The following PKD2L1 variants were observed in gnomAD, a reference collection of about 807,000 sequenced individuals.
PKD2L1 encodes polycystin 2 like 1, transient receptor potential cation channel.
PKD2L1 carries 77 observed loss-of-function variants against 93.0 expected under a neutral mutation model. The ratio of observed to expected loss-of-function variants is 0.83; its 90% CI spans 0.69 to 1.00. PKD2L1 has a LOEUF of 1.00. PKD2L1 is among the 50% of genes least tolerant of loss of function. The pLI is 0.00. For synonymous variants in PKD2L1, 390 were observed against 388.0 expected (o/e 1.01, Z -0.06); for missense variants, 977 against 990.9 (o/e 0.99, Z 0.19).
At chr10:100,293,455 G>A in intron 9 of PKD2L1, 76 bp from the exon 10 acceptor site, 2 of 930,824 alleles carry the variant, frequency 2.1e-6, no homozygotes, top group South Asian at 2.6e-5. Flanking sequence ...CCCCATTAAT[G>A]TCCAAGACAC....
chr10:100,325,903 G>A (rs571963227), intron 2 of PKD2L1, among the ~76,000 whole-genome samples: 1 of 152,262 alleles, frequency 6.6e-6, no homozygotes, highest in East Asian at 1.9e-4. Context: ...AAGGATAAGA[G>A]AGGTTAGCAA....
rs1294864036 is a variant in PKD2L1 at position 100,330,113 on chromosome 10, G to A, written c.-10C>T. On this transcript the variant is annotated 5_prime_UTR_variant, in exon 1 of 16. Coordinates refer to ENST00000318222, the MANE Select transcript of PKD2L1 (RefSeq NM_016112.3). ...TTCCCACAGCATTCATGGGGAATGA[G>A]GTGGGGGGGCCCGGTACCCCAGGTG... 69 of 1,525,566 alleles carry A rather than the reference G, an allele frequency of 4.5e-5. No homozygotes were observed. The highest frequency in any genetic ancestry group is 6.0e-5 in the Non-Finnish European group (67 of 1,122,210). 94.5% of individuals were successfully genotyped at this position (1,525,566 alleles called of 1,614,324 possible).
At chr10:100,295,713 C>T (rs1013236888) in intron 7 of PKD2L1, among the ~76,000 whole-genome samples, 2 of 111,198 alleles carry the variant, frequency 1.8e-5, no homozygotes, top group Admixed American at 1.3e-4. Context: ...AGCCAGACAA[C>T]AGAGTGAGAC....
In PKD2L1 at chr10:100,292,226, G is replaced by A. The variant is rs150987213; in HGVS notation, c.1880+722C>T. ...CAAAGACTTTGTCCCATTTAATTAC[G>A]TTGTCTCCTAATCCCAGCACTTTGG... On this transcript the variant is annotated intron_variant, in intron 11 of 15. Coordinates refer to ENST00000318222, the MANE Select transcript of PKD2L1 (RefSeq NM_016112.3). Among the ~76,000 whole-genome samples, 462 of 152,034 alleles carry A rather than the reference G, an allele frequency of 3.0e-3. 1 individual carries two copies. The highest frequency in any genetic ancestry group is 1.0e-2 in the African/African-American group (414 of 41,466).
At position 100,299,659 on chromosome 10, in the gene PKD2L1, A is replaced by C. The variant is rs757723767; in HGVS notation, c.409T>G (p.Phe137Val). The stretch of plus-strand genomic sequence containing the variant: ...CCAGTGTCTGATGGAGTATGTAAGA[A>C]GAGCTCAGACATCACTTTGGTGTAG... ...YYYTKVMSEL[F>V]LHTPSDTGVS... Residue 137 changes from phenylalanine (F) to valine (V), a missense_variant, in exon 3 of 16, where the codon TTC (phenylalanine) becomes GTC (valine). Phe to Val is a conservative substitution (Grantham distance 50, BLOSUM62 -1). Transcript: ENST00000318222. 6 of 1,612,672 alleles carry C rather than the reference A, an allele frequency of 3.7e-6. No individual in the cohort carries two copies.
chr10:100,325,961 G>A (rs575435611), intron 2 of PKD2L1, among the ~76,000 whole-genome samples: 4 of 152,300 alleles, frequency 2.6e-5, no homozygotes, highest in Non-Finnish European at 5.9e-5. Context: ...GCCAGACCTT[G>A]AACCCACATA....
In PKD2L1 at chr10:100,298,625, C is replaced by T. The variant is rs1397337698; in HGVS notation, c.668G>A (p.Cys223Tyr). ...HEDFREDILSCYDVYSPDKEE... is the reference protein window; with the variant it reads ...HEDFREDILSYYDVYSPDKEE... ...TTTGTCTGGAGAGTAGACATCATAG[C>T]AGCTCAGAATGTCCTCCCGGAAGTC... Residue 223 changes from cysteine to tyrosine, a missense_variant, in exon 4 of 16, where the codon TGC becomes TAC. Transcript: ENST00000318222. 7.4e-6 allele frequency: 12 copies of T among 1,613,980 alleles called. No homozygotes were observed. The highest frequency in any genetic ancestry group is 1.0e-5 in the Non-Finnish European group (12 of 1,179,978).
intron 2 of PKD2L1, among the ~76,000 whole-genome samples, chr10:100,321,723 GAAA>G (rs1458334792): frequency 1.3e-4 from 1 of 7,754 alleles, no homozygotes; most frequent in Non-Finnish European, 2.8e-4. Context: ...AAGAAAGAAA[GAAA>G]GAAAGAAAGA....
At chr10:100,288,673 T>C (rs1208017893) in intron 15 of PKD2L1, among the ~76,000 whole-genome samples, 195 bp from the exon 16 acceptor site, 1 of 150,468 alleles carries the variant, frequency 6.6e-6, no homozygotes, top group Non-Finnish European at 1.5e-5. Context: ...ATCCTGTTTG[T>C]TAACTTTTTT....
intron 2 of PKD2L1, among the ~76,000 whole-genome samples, chr10:100,315,993 C>T (rs12268799): frequency 0.065 from 9,874 of 152,218 alleles, 895 homozygotes; most frequent in African/African-American, 0.2. Flanking sequence ...TCCCCAGACA[C>T]GAATGGTACC....
At chr10:100,301,402 C>T (rs572064519) in intron 2 of PKD2L1, among the ~76,000 whole-genome samples, 166 of 152,036 alleles carry the variant, frequency 1.1e-3, no homozygotes, top group African/African-American at 3.9e-3. Context: ...CGTGTTTCAT[C>T]TGTTATCTGC....
chr10:100,292,845 G>T (rs1446754438), intron 11 of PKD2L1, 103 bp downstream of exon 11: 19 of 1,185,126 alleles, frequency 1.6e-5, no homozygotes, highest in South Asian at 3.5e-5. Context: ...AAGATCAGAG[G>T]CCCCTAAACT....
intron 9 of PKD2L1, among the ~76,000 whole-genome samples, chr10:100,293,924 T>G (rs1440193274): frequency 6.6e-6 from 1 of 152,094 alleles, no homozygotes; most frequent in Non-Finnish European, 1.5e-5. Flanking sequence ...CTGGGCAACA[T>G]AGCAAAACAC....
In PKD2L1 at chr10:100,295,037, G is replaced by A. The variant is rs570541159; in HGVS notation, c.1443C>T (p.Ala481=). 1.7e-5 allele frequency: 28 copies of A among 1,613,962 alleles called. No homozygotes were observed. The highest frequency in any genetic ancestry group is 2.2e-5 in the East Asian group (1 of 44,898). The change falls in exon 8 of 16, where the codon GCC becomes GCT. Residue 481 remains alanine (A), a synonymous_variant. Transcript: ENST00000318222. ...CGAAGAAAACAATGAAGAACATGAC[G>A]GCGAAGCCCAGGATGTCCTTGGCAC... ...ARCAKDILGF[A]VMFFIVFFAY... is the part of the protein sequence containing the mutation.
chr10:100,299,811 A>T, intron 2 of PKD2L1, 93 bp from the exon 3 acceptor site: 4 of 1,118,686 alleles, frequency 3.6e-6, no homozygotes, highest in South Asian at 1.3e-5. Flanking sequence ...TGCTTCCAAG[A>T]TGGAAGCCCA....
intron 2 of PKD2L1, among the ~76,000 whole-genome samples, chr10:100,322,227 C>CAACAAA (rs1554920811): frequency 6.6e-6 from 1 of 151,854 alleles, no homozygotes; most frequent in African/African-American, 2.4e-5. Flanking sequence ...CTCAAAACAA[C>CAACAAA]AACAACAACA....
In PKD2L1 at chr10:100,288,482, TG is replaced by T; in HGVS notation, c.2336-5del. 1 of 1,594,780 alleles carries T rather than the reference TG, an allele frequency of 6.3e-7. No homozygotes were observed. Among genetic ancestry groups the T allele is most frequent in the Non-Finnish European group, 8.6e-7 (1 of 1,162,482 alleles). On this transcript the variant is annotated splice_region_variant and splice_polypyrimidine_tract_variant and intron_variant, in intron 15 of 15. Transcript: ENST00000318222. ...TCTTCTCTTTTATAGGGAACCTCTGTGGGGGAAAACGAGAAACCCATGGGTG... is the reference window on the plus strand; with the variant it reads ...TCTTCTCTTTTATAGGGAACCTCTGTGGGGAAAACGAGAAACCCATGGGTG...
intron 2 of PKD2L1, among the ~76,000 whole-genome samples, chr10:100,304,410 T>G (rs1167246390): frequency 6.6e-6 from 1 of 152,204 alleles, no homozygotes; most frequent in Non-Finnish European, 1.5e-5. Context: ...AAAAACACAT[T>G]TTATATTCAT....
At chr10:100,328,591 C>CCTT (rs1554832536) in intron 2 of PKD2L1, among the ~76,000 whole-genome samples, 1 of 147,166 alleles carries the variant, frequency 6.8e-6, no homozygotes. Context: ...GTTTTCCACT[C>CCTT]TTTTTTTTTT....
Sources: gnomAD v4.1 joint callset for allele counts (sites outside exome capture counted in the v4.1 genomes callset) on GRCh38, gnomAD v4.1.1 for gene constraint, MANE v1.5 for transcripts, NCBI Gene and HGNC (gene_info 2026-07-23, HGNC 2026-07-21) for gene names.